Variants in NCAPH observed in about 807,000 individuals in gnomAD.
NCAPH encodes non-SMC condensin I complex subunit H, also known as condensin complex subunit 2.
NCAPH carries 38 observed loss-of-function variants against 85.5 expected under a neutral mutation model. That is an observed-to-expected ratio of 0.44 (90% CI 0.34 to 0.58). The LOEUF is 0.58. Among genes scored for constraint, NCAPH ranks in the 20% least tolerant of loss-of-function variants. The pLI is 0.01. For missense variants in NCAPH, 789 were observed against 916.6 expected (o/e 0.86, Z 1.80); for synonymous variants, 301 against 335.1 (o/e 0.90, Z 1.11).
In NCAPH at chr2:96,360,135, C is replaced by T. The variant is rs758245040; in HGVS notation, c.1358-8C>T. The T allele has an allele frequency of 2.0e-6, 3 of 1,500,050 alleles. No individual in the cohort carries two copies. The highest frequency in any genetic ancestry group is 2.3e-5 in the South Asian group (2 of 86,876). 92.9% of individuals were successfully genotyped at this position (1,500,050 alleles called of 1,614,324 possible). Reference sequence around the variant, plus strand: ...AGTGAAGTGCTGACGTCTGTGTTCACTCTGCAGAAGATGCTCCTTCCCAAT... The same window carrying T: ...AGTGAAGTGCTGACGTCTGTGTTCATTCTGCAGAAGATGCTCCTTCCCAAT... On this transcript the variant is annotated splice_polypyrimidine_tract_variant and splice_region_variant and intron_variant, in intron 10 of 17. Transcript: ENST00000240423.
intron 17 of NCAPH, 62 bp from the exon 18 acceptor site, chr2:96,373,230 G>A: frequency 7.0e-7 from 1 of 1,423,958 alleles, no homozygotes; most frequent in Non-Finnish European, 9.9e-7. Flanking sequence ...ACTGTGATTG[G>A]AATTTATGAT....
intron 4 of NCAPH, 60 bp from the exon 5 acceptor site, chr2:96,343,106 A>G: frequency 2.5e-6 from 4 of 1,595,088 alleles, no homozygotes; most frequent in Non-Finnish European, 2.6e-6. Context: ...GCTGTGTTTT[A>G]CCTGTTCAGA....
intron 9 of NCAPH, 144 bp downstream of exon 9, chr2:96,354,532 C>G (rs534362833): frequency 9.9e-6 from 7 of 705,452 alleles, no homozygotes; most frequent in Non-Finnish European, 1.5e-5. Context: ...CTGCATTGCC[C>G]AGGCTGGTCT....
At chr2:96,351,667 C>CAAAAAAAA (rs368668931) in intron 6 of NCAPH, among the ~76,000 whole-genome samples, 164 bp from the exon 7 acceptor site, 1 of 54,242 alleles carries the variant, frequency 1.8e-5, no homozygotes, top group Non-Finnish European at 3.7e-5. Flanking sequence ...GACTCCATCT[C>CAAAAAAAA]AAAAAAAAAA....
chr2:96,348,686 C>T (rs1391048605), intron 6 of NCAPH, among the ~76,000 whole-genome samples: 8 of 149,854 alleles, frequency 5.3e-5, no homozygotes, highest in Non-Finnish European at 8.9e-5. Context: ...GACAGGGTCT[C>T]GCTCTGTGGC....
At chr2:96,354,773 T>C (rs1328390054) in intron 9 of NCAPH, among the ~76,000 whole-genome samples, 1 of 152,248 alleles carries the variant, frequency 6.6e-6, no homozygotes, top group African/African-American at 2.4e-5. Context: ...GAATGTCGGC[T>C]TAGCCACTTT....
Position 96,354,207 on chromosome 2 carries a change from T to A in NCAPH, c.1027T>A (p.Phe343Ile), listed in dbSNP as rs779527816. The A allele has an allele frequency of 6.2e-7, 1 of 1,614,056 alleles. No individual in the cohort carries two copies. Among genetic ancestry groups the A allele is most frequent in the Non-Finnish European group, 8.5e-7 (1 of 1,179,998 alleles). Reference protein sequence around the residue: ...NESVSALVDKFKKNDQVFDIN... With the variant: ...NESVSALVDKIKKNDQVFDIN... ...GTCTGTGTCGGCCCTGGTAGACAAG[T>A]TTAAGAAGAATGACCAGGTATTTGA... Residue 343 changes from phenylalanine (F) to isoleucine (I), a missense_variant, in exon 9 of 18, where the codon TTT (phenylalanine) becomes ATT (isoleucine). Transcript: ENST00000240423.
At position 96,343,245 on chromosome 2, in the gene NCAPH, T is replaced by C; in HGVS notation, c.536T>C (p.Val179Ala). 1 of 1,613,938 alleles carries C rather than the reference T, an allele frequency of 6.2e-7. No individual in the cohort carries two copies. The highest frequency in any genetic ancestry group is 8.5e-7 in the Non-Finnish European group (1 of 1,179,924). Residue 179 changes from valine to alanine, a missense_variant, in exon 5 of 18, where the codon GTC (valine) becomes GCC (alanine). By Grantham distance (64) the Val-to-Ala change is moderately conservative. Coordinates refer to ENST00000240423, the MANE Select transcript of NCAPH (RefSeq NM_015341.5). ...GCCGTCCATGCCGATGTATACAGAG[T>C]CCTTGGGGGGCTGGGCAAAGATGCA... is the stretch of plus-strand genomic sequence containing the variant. ...VDAVHADVYR[V>A]LGGLGKDAPS...
Position 96,351,977 on chromosome 2 carries a change from C to G in NCAPH, c.867C>G (p.Leu289=). 6.2e-7 allele frequency: 1 copy of G among 1,614,052 alleles called. No individual in the cohort carries two copies. Among genetic ancestry groups the G allele is most frequent in the Non-Finnish European group, 8.5e-7 (1 of 1,179,982 alleles). The change falls in exon 7 of 18, where the codon CTC becomes CTG. Residue 289 remains leucine, a synonymous_variant. Transcript: ENST00000240423. The part of the protein sequence containing the change: ...DVQTLSTGEP[L]ELPELGCVEM... ...AGACTCTCTCCACGGGAGAACCTCT[C>G]GAGTTGCCAGAGTTAGGTTGTGTAG...
intron 3 of NCAPH, 124 bp downstream of exon 3, chr2:96,342,264 C>G: frequency 1.0e-6 from 1 of 957,446 alleles, no homozygotes; most frequent in Non-Finnish European, 1.6e-6. Flanking sequence ...CATCTTAGTG[C>G]TGGTGGTTTT....
Position 96,374,905 on chromosome 2 carries a change from C to T in NCAPH, c.*1554C>T, listed in dbSNP as rs1179485043. 6.6e-6 allele frequency among the ~76,000 whole-genome samples: 1 copy of T among 152,038 alleles called. No homozygotes were observed. The highest frequency in any genetic ancestry group is 1.5e-5 in the Non-Finnish European group (1 of 68,018). ...TTCTGGGGGTGGGGGGCTGAATTACCAGTAAAACTAGAAAGATTGGGACCA... is the reference window on the plus strand; with the variant it reads ...TTCTGGGGGTGGGGGGCTGAATTACTAGTAAAACTAGAAAGATTGGGACCA... On this transcript the variant is annotated 3_prime_UTR_variant, in exon 18 of 18. Transcript: ENST00000240423.
At chr2:96,339,334 T>G (rs2064259655) in intron 1 of NCAPH, among the ~76,000 whole-genome samples, 1 of 152,160 alleles carries the variant, frequency 6.6e-6, no homozygotes, top group Non-Finnish European at 1.5e-5. Context: ...GGCTCACGCC[T>G]GTAATTCCAG....
At chr2:96,347,451 A>G (rs1558792218) in intron 6 of NCAPH, among the ~76,000 whole-genome samples, 1 of 152,296 alleles carries the variant, frequency 6.6e-6, no homozygotes, top group South Asian at 2.1e-4. Context: ...AGCCTCTAGG[A>G]AACAGTTTTC....
At chr2:96,337,429 G>GT (rs554498804) in intron 1 of NCAPH, among the ~76,000 whole-genome samples, 7 of 151,770 alleles carry the variant, frequency 4.6e-5, no homozygotes, top group South Asian at 2.1e-4. Context: ...TTTGTTTTTT[G>GT]TTTTTTTTGA....
Position 96,367,323 on chromosome 2 carries a change from A to T in NCAPH, c.1948A>T (p.Ser650Cys). 25 of 1,613,860 alleles carry T rather than the reference A, an allele frequency of 1.5e-5. No homozygotes were observed. The highest frequency in any genetic ancestry group is 2.1e-5 in the Non-Finnish European group (25 of 1,179,776). Residue 650 changes from serine to cysteine, a missense_variant, in exon 15 of 18, where the codon AGC (serine) becomes TGC (cysteine). Ser to Cys is a moderately radical substitution (Grantham distance 112). Transcript: ENST00000240423. ...KKMDMKKLKQ[S>C]MWSLLTALSG... is the part of the protein sequence containing the mutation. ...GATGGACATGAAGAAACTGAAGCAG[A>T]GCATGTGGAGTCTGCTGACAGCGCT...
Position 96,373,691 on chromosome 2 carries a change from C to A in NCAPH, c.*340C>A. ...TCTCCTAAATTGATCTGTTATTTTC[C>A]AAACTATTCTCTTGTAGAAAATTTT... On this transcript the variant is annotated 3_prime_UTR_variant, in exon 18 of 18. Coordinates refer to ENST00000240423, the MANE Select transcript of NCAPH (RefSeq NM_015341.5). The A allele has an allele frequency of 5.4e-6, 1 of 183,502 alleles. No individual in the cohort carries two copies. Among genetic ancestry groups the A allele is most frequent in the Non-Finnish European group, 1.1e-5 (1 of 88,350 alleles). 11.4% of individuals were successfully genotyped at this position (183,502 alleles called of 1,614,324 possible).
At chr2:96,355,246 T>A (rs998307458) in intron 9 of NCAPH, among the ~76,000 whole-genome samples, 3 of 152,170 alleles carry the variant, frequency 2.0e-5, no homozygotes, top group Non-Finnish European at 4.4e-5. Context: ...AACACTTTAA[T>A]GTCATGGTCC....
intron 6 of NCAPH, among the ~76,000 whole-genome samples, 157 bp from the exon 7 acceptor site, chr2:96,351,667 CAAAAAAA>C (rs368668931): frequency 3.7e-5 from 2 of 54,244 alleles, no homozygotes; most frequent in Admixed American, 2.1e-4. Context: ...GACTCCATCT[CAAAAAAA>C]AAAAAAAAAA....
In NCAPH at chr2:96,335,932, G is replaced by T. The variant is rs867801846; in HGVS notation, c.19+84G>T. 102 of 1,355,492 alleles carry T rather than the reference G, an allele frequency of 7.5e-5. 1 individual carries two copies. The highest frequency in any genetic ancestry group is 2.9e-4 in the African/African-American group (19 of 64,792). 84.0% of individuals were successfully genotyped at this position (1,355,492 alleles called of 1,614,324 possible). A position where few individuals can be genotyped will look rare whatever the true frequency, so the allele number is the denominator to read the frequency against. ...GCGGGCAGGGCTGGCGGGCTGGCCT[G>T]GGCGGGGAGAGAGGATATGCTCAGC... On this transcript the variant is annotated intron_variant, in intron 1 of 17. Transcript: ENST00000240423.
Sources: gnomAD v4.1 joint callset for allele counts (sites outside exome capture counted in the v4.1 genomes callset) on GRCh38, gnomAD v4.1.1 for gene constraint, MANE v1.5 for transcripts, NCBI Gene and HGNC (gene_info 2026-07-23, HGNC 2026-07-21) for gene names.